The following COL27A1 variants were observed in gnomAD, a reference collection of about 807,000 sequenced individuals.
COL27A1 encodes collagen type XXVII alpha 1 chain.
A neutral mutation model predicts 251.3 loss-of-function variants in COL27A1; 106 were observed. The observed-to-expected ratio is 0.42, with a 90% CI of 0.36 to 0.50. The LOEUF (loss-of-function observed/expected upper bound fraction) is 0.50. COL27A1 is among the 20% of genes least tolerant of loss of function. COL27A1 has a pLI of 0.00. For synonymous variants in COL27A1, 1,000 were observed against 986.3 expected, an observed-to-expected ratio of 1.01 and a Z score of -0.26; for missense variants, 2,325 against 2,522.8, an observed-to-expected ratio of 0.92 and a Z score of 1.68.
intron 11 of COL27A1, 66 bp downstream of exon 11, chr9:114,209,794 C>T (rs1830221227): frequency 6.7e-7 from 1 of 1,489,072 alleles, no homozygotes; most frequent in African/African-American, 1.4e-5. Flanking sequence ...CAGAACCTGC[C>T]AGGCACCAGC....
Position 114,304,589 on chromosome 9 carries a change from C to G in COL27A1, c.4873-19C>G, listed in dbSNP as rs1159354329. The G allele has an allele frequency of 1.9e-6, 3 of 1,613,784 alleles. No individual in the cohort carries two copies. The African/African-American group carries it at 4.0e-5, about 22-fold the overall frequency. ...ACCCTGGGGGGCCACGATACATACC[C>G]TGTCTTTTCCTTGCCCAGCAACAAG... On this transcript the variant is annotated intron_variant, in intron 56 of 60. Coordinates refer to ENST00000356083, the MANE Select transcript of COL27A1 (RefSeq NM_032888.4).
intron 54 of COL27A1, 62 bp from the exon 55 acceptor site, chr9:114,301,620 G>T: frequency 3.2e-6 from 5 of 1,547,100 alleles, no homozygotes; most frequent in Non-Finnish European, 4.4e-6. Flanking sequence ...AGGAGGGACT[G>T]GGTTGGGGAG....
At chr9:114,238,707 C>T (rs766205103) in intron 19 of COL27A1, among the ~76,000 whole-genome samples, 4 of 152,130 alleles carry the variant, frequency 2.6e-5, no homozygotes, top group Non-Finnish European at 5.9e-5. Context: ...CTCCTCTGGT[C>T]GCTGGAAAAA....
chr9:114,236,348 C>T (rs78142402), intron 17 of COL27A1, among the ~76,000 whole-genome samples: 194 of 152,254 alleles, frequency 1.3e-3, no homozygotes, highest in African/African-American at 4.5e-3. Flanking sequence ...TGATGGAGCT[C>T]GGCTCAGGGT....
At chr9:114,288,363 GAA>G in intron 41 of COL27A1, 90 bp from the exon 42 acceptor site, 1 of 1,333,176 alleles carries the variant, frequency 7.5e-7, no homozygotes, top group South Asian at 1.2e-5. Flanking sequence ...AAGCAGGCTA[GAA>G]TTCATCTCTG....
intron 35 of COL27A1, among the ~76,000 whole-genome samples, chr9:114,269,865 C>A (rs920988686): frequency 6.6e-6 from 1 of 152,198 alleles, no homozygotes; most frequent in African/African-American, 2.4e-5. Flanking sequence ...TGCCATCCTG[C>A]ACCTGACGGC....
chr9:114,168,514 C>T lies in COL27A1; in HGVS notation c.959C>T (p.Thr320Ile). 1 of 1,613,926 alleles carries T rather than the reference C, an allele frequency of 6.2e-7. No homozygotes were observed. The change falls in exon 3 of 61, where the codon ACC becomes ATC. Residue 320 changes from threonine to isoleucine, a missense_variant. By Grantham distance (89) the Thr-to-Ile change is moderately conservative. This residue lies in a region of COL27A1 where 1,183 missense variants were observed against 1,144.1 expected (regional missense o/e 1.03). Transcript: ENST00000356083. ...QHMAVGGPAQTPLLPAKLSAS... is the reference protein window; with the variant it reads ...QHMAVGGPAQIPLLPAKLSAS... ...ATGGCGGTGGGAGGCCCAGCCCAAA[C>T]CCCGCTGCTACCTGCCAAGCTGTCA...
intron 42 of COL27A1, 88 bp from the exon 43 acceptor site, chr9:114,288,614 G>C: frequency 1.3e-6 from 2 of 1,552,064 alleles, no homozygotes; most frequent in South Asian, 2.4e-5. Flanking sequence ...GTCCCTGAGA[G>C]CTCCGCAGAG....
chr9:114,169,434 C>G lies in COL27A1; in HGVS notation c.1879C>G (p.Pro627Ala), dbSNP rs745882834. The G allele has an allele frequency of 1.3e-6, 2 of 1,562,588 alleles. No homozygotes were observed. The highest frequency in any genetic ancestry group is 2.3e-5 in the East Asian group (1 of 44,380). Residue 627 changes from proline to alanine, a missense_variant, in exon 3 of 61, where the codon CCG becomes GCG. Around this residue, in one of 4 missense-constraint regions of COL27A1, gnomAD observed 1,183 missense variants for 1,144.1 expected, o/e 1.03. Transcript: ENST00000356083. ...STPFPLLMGP[P>A]GPKGDCGLPG... ...GCCTTTCCCTCTGCTGATGGGGCCT[C>G]CGGGACCCAAGGGAGACTGTGGCTT...
At chr9:114,197,394 C>T (rs1047675774) in intron 7 of COL27A1, among the ~76,000 whole-genome samples, 1 of 152,238 alleles carries the variant, frequency 6.6e-6, no homozygotes, top group African/African-American at 2.4e-5. Flanking sequence ...GAAGCAGTGG[C>T]TGTTTGTGAG....
chr9:114,222,092 C>G, intron 13 of COL27A1, 131 bp from the exon 14 acceptor site: 1 of 714,758 alleles, frequency 1.4e-6, no homozygotes, highest in Non-Finnish European at 2.4e-6. Flanking sequence ...GTCGCTGGAG[C>G]CTGTGGTCAG....
At chr9:114,250,218 G>A (rs1033746596) in intron 24 of COL27A1, among the ~76,000 whole-genome samples, 8 of 152,218 alleles carry the variant, frequency 5.3e-5, no homozygotes, top group Admixed American at 2.6e-4. Flanking sequence ...CCCAGCCAGC[G>A]GGTTTGTTTC....
intron 3 of COL27A1, among the ~76,000 whole-genome samples, chr9:114,176,861 C>A (rs149248041): frequency 6.6e-6 from 1 of 152,300 alleles, no homozygotes; most frequent in East Asian, 1.9e-4. Flanking sequence ...CGAGCAAGCA[C>A]GTGGTGTTCA....
intron 17 of COL27A1, 45 bp downstream of exon 17, chr9:114,235,697 C>G: frequency 6.8e-7 from 1 of 1,480,126 alleles, no homozygotes; most frequent in Non-Finnish European, 9.5e-7. Flanking sequence ...TGCCCCTGCC[C>G]TGCTGTTCCC....
intron 32 of COL27A1, 71 bp from the exon 33 acceptor site, chr9:114,266,494 C>G: frequency 7.4e-7 from 1 of 1,344,364 alleles, no homozygotes; most frequent in African/African-American, 1.4e-5. Flanking sequence ...CTCCCTCATT[C>G]ACCCCTCCAG....
intron 48 of COL27A1, among the ~76,000 whole-genome samples, chr9:114,291,264 G>T (rs1256475723): frequency 6.6e-6 from 1 of 152,202 alleles, no homozygotes; most frequent in African/African-American, 2.4e-5. Context: ...TGCCGCGTGG[G>T]AGGAGGGGGC....
intron 56 of COL27A1, among the ~76,000 whole-genome samples, chr9:114,302,757 CA>C (rs1430771260): frequency 2.0e-5 from 3 of 150,656 alleles, no homozygotes; most frequent in African/African-American, 7.3e-5. Flanking sequence ...AGAGTCGGGC[CA>C]GGGGGGCAGA....
intron 24 of COL27A1, among the ~76,000 whole-genome samples, chr9:114,246,631 A>G (rs1395234664): frequency 6.6e-6 from 1 of 152,126 alleles, no homozygotes; most frequent in Admixed American, 6.5e-5. Flanking sequence ...ATCCGGAAGG[A>G]CTGATGCTGG....
intron 23 of COL27A1, among the ~76,000 whole-genome samples, chr9:114,244,751 AT>A (rs1832998142): frequency 6.6e-6 from 1 of 152,188 alleles, no homozygotes; most frequent in Non-Finnish European, 1.5e-5. Flanking sequence ...GCCCGAGCCC[AT>A]GTCCTGCCGT....
Sources: gnomAD v4.1 joint callset for allele counts (sites outside exome capture counted in the v4.1 genomes callset) on GRCh38, gnomAD v4.1.1 for gene constraint, gnomAD v4.1.1 regional missense constraint, MANE v1.5 for transcripts, NCBI Gene and HGNC (gene_info 2026-07-23, HGNC 2026-07-21) for gene names.